CSMD2: variants seen among roughly 807,000 people sequenced by gnomAD.
CSMD2 encodes the protein CUB and sushi domain-containing protein 2.
In CSMD2, 130 loss-of-function variants were observed where a neutral mutation model predicts 398.5. The ratio of observed to expected loss-of-function variants is 0.33; its 90% CI spans 0.28 to 0.38. The LOEUF (loss-of-function observed/expected upper bound fraction) is 0.38. CSMD2 is among the 10% of genes least tolerant of loss of function. The pLI, the probability that CSMD2 is intolerant of heterozygous loss-of-function variation, is 1.00. For synonymous variants in CSMD2, 1,828 were observed against 1,908.5 expected (o/e 0.96, Z 1.10); for missense variants, 3,829 against 4,764.9 (o/e 0.80, Z 5.78).
At chr1:33,558,179 A>C (rs1318411) in intron 54 of CSMD2, among the ~76,000 whole-genome samples, 1 of 152,006 alleles carries the variant, frequency 6.6e-6, no homozygotes, top group Non-Finnish European at 1.5e-5. Context: ...ACAAATCGCT[A>C]TTGCTGACTT....
At chr1:33,928,802 A>G (rs1644213635) in intron 4 of CSMD2, among the ~76,000 whole-genome samples, 1 of 152,224 alleles carries the variant, frequency 6.6e-6, no homozygotes, top group Non-Finnish European at 1.5e-5. Context: ...CAAGGTGCAC[A>G]CTGCACCCGG....
chr1:33,795,168 T>C (rs1049415549), intron 10 of CSMD2, among the ~76,000 whole-genome samples: 2 of 151,848 alleles, frequency 1.3e-5, no homozygotes, highest in Non-Finnish European at 2.9e-5. Context: ...CTAGGTGAAG[T>C]AGGATGTGGG....
At chr1:33,785,497 TG>T (rs112337950) in intron 12 of CSMD2, among the ~76,000 whole-genome samples, 13 of 152,366 alleles carry the variant, frequency 8.5e-5, no homozygotes, top group African/African-American at 2.6e-4. Context: ...TTCACCCCTC[TG>T]AGTCTCAGAT....
At chr1:34,055,457 T>C (rs1201016021) in intron 2 of CSMD2, among the ~76,000 whole-genome samples, 4 of 152,060 alleles carry the variant, frequency 2.6e-5, no homozygotes, top group Admixed American at 2.0e-4. Context: ...AAGACCCTGG[T>C]TGTTTTACCT....
At chr1:33,589,639 C>G (rs1433166817) in intron 44 of CSMD2, among the ~76,000 whole-genome samples, 1 of 152,124 alleles carries the variant, frequency 6.6e-6, no homozygotes, top group Non-Finnish European at 1.5e-5. Context: ...TTCATGATCA[C>G]CCAACAATAT....
chr1:33,844,375 T>G (rs147035738), intron 6 of CSMD2, among the ~76,000 whole-genome samples: 2 of 152,344 alleles, frequency 1.3e-5, no homozygotes, highest in Non-Finnish European at 2.9e-5. Flanking sequence ...CCAAGCACGC[T>G]GCTAAACATC....
At chr1:33,599,907 G>A (rs550691128) in intron 44 of CSMD2, 162 of 514,208 alleles carry the variant, frequency 3.2e-4, no homozygotes, top group Non-Finnish European at 4.8e-4. Flanking sequence ...TAATAACACT[G>A]TATAGTCACA....
chr1:33,785,764 C>T (rs2124829486), intron 12 of CSMD2, among the ~76,000 whole-genome samples: 1 of 152,338 alleles, frequency 6.6e-6, no homozygotes, highest in Middle Eastern at 3.4e-3. Context: ...AGATAATGAA[C>T]ATAAAGCTAT....
At chr1:33,517,084 G>A (rs1387275102) in intron 70 of CSMD2, among the ~76,000 whole-genome samples, 7 of 152,044 alleles carry the variant, frequency 4.6e-5, no homozygotes, top group Non-Finnish European at 7.4e-5. Flanking sequence ...CTCACTGACC[G>A]CACAGGCCTC....
At chr1:34,095,898 T>C (rs972459375) in intron 1 of CSMD2, among the ~76,000 whole-genome samples, 2 of 152,080 alleles carry the variant, frequency 1.3e-5, no homozygotes, top group African/African-American at 4.8e-5. Flanking sequence ...GAATCCTCCC[T>C]AACTCATTTT....
At chr1:33,908,482 C>A (rs1426610029) in intron 5 of CSMD2, among the ~76,000 whole-genome samples, 1 of 152,262 alleles carries the variant, frequency 6.6e-6, no homozygotes, top group African/African-American at 2.4e-5. Flanking sequence ...CTGGCACAGG[C>A]CGCCTCGCAG....
intron 1 of CSMD2, among the ~76,000 whole-genome samples, chr1:34,162,401 T>G (rs984475884): frequency 3.3e-5 from 5 of 152,132 alleles, no homozygotes; most frequent in African/African-American, 1.2e-4. Flanking sequence ...GACGGTTCAG[T>G]CCTGAGCATC....
Position 33,658,142 on chromosome 1 carries a change from G to A in CSMD2, c.4256-5C>T. The A allele has an allele frequency of 6.2e-7, 1 of 1,611,158 alleles. No individual in the cohort carries two copies. The highest frequency in any genetic ancestry group is 8.5e-7 in the Non-Finnish European group (1 of 1,177,648). ...TGCAGGACGTTGCTGTGGACACTGG[G>A]GCAAGGAAATAGAAGAGAGGGTAAG... On this transcript the variant is annotated splice_polypyrimidine_tract_variant and splice_region_variant and intron_variant, in intron 26 of 70. Coordinates refer to ENST00000373381, the MANE Select transcript of CSMD2 (RefSeq NM_001281956.2).
intron 5 of CSMD2, among the ~76,000 whole-genome samples, chr1:33,867,682 T>A (rs1640139442): frequency 6.6e-6 from 1 of 152,222 alleles, no homozygotes; most frequent in South Asian, 2.1e-4. Context: ...TTGTTACCAA[T>A]CTCTTGTTAC....
chr1:34,108,034 A>G lies in CSMD2; in HGVS notation c.188-18841T>C, dbSNP rs549736352. Among the ~76,000 whole-genome samples, 3 of 152,350 alleles carry G rather than the reference A, an allele frequency of 2.0e-5. No homozygotes were observed. In the South Asian group the frequency reaches 6.2e-4, roughly 32 times the overall value. On this transcript the variant is annotated intron_variant, in intron 1 of 70. Transcript: ENST00000373381. ...CAACACAAGGCTTGGCATTTCATAGACACTCCATTAATATTTGTCAAGTAA... is the reference window on the plus strand; with the variant it reads ...CAACACAAGGCTTGGCATTTCATAGGCACTCCATTAATATTTGTCAAGTAA...
chr1:34,070,060 A>T (rs909697101), intron 2 of CSMD2, among the ~76,000 whole-genome samples: 5 of 152,222 alleles, frequency 3.3e-5, no homozygotes, highest in Non-Finnish European at 5.9e-5. Flanking sequence ...GCTTTAATTA[A>T]ATCTATCCGG....
chr1:33,718,982 G>T (rs939437890), intron 19 of CSMD2, among the ~76,000 whole-genome samples: 1 of 152,190 alleles, frequency 6.6e-6, no homozygotes, highest in Non-Finnish European at 1.5e-5. Context: ...CCTACCAAGT[G>T]CCAGGCCTTG....
intron 24 of CSMD2, among the ~76,000 whole-genome samples, chr1:33,695,058 C>T (rs1052136961): frequency 1.3e-5 from 2 of 152,138 alleles, no homozygotes; most frequent in Non-Finnish European, 2.9e-5. Flanking sequence ...GGGTGCTGGT[C>T]TTAAATGAAC....
At chr1:33,603,300 G>A (rs1640356065) in intron 42 of CSMD2, among the ~76,000 whole-genome samples, 1 of 152,184 alleles carries the variant, frequency 6.6e-6, no homozygotes, top group African/African-American at 2.4e-5. Flanking sequence ...TTAGGCCTCA[G>A]GCAGGAGGAT....
Sources: allele counts gnomAD v4.1 joint callset (sites outside exome capture counted in the v4.1 genomes callset), GRCh38; gene constraint gnomAD v4.1.1; transcripts MANE v1.5; gene names NCBI Gene and HGNC (gene_info 2026-07-23, HGNC 2026-07-21).